SP140: variants seen among roughly 807,000 people sequenced by gnomAD.
SP140 encodes nuclear body protein SP140.
In SP140, 81 loss-of-function variants were observed where a neutral mutation model predicts 125.0. The ratio of observed to expected loss-of-function variants is 0.65; its 90% CI spans 0.54 to 0.78. The LOEUF (loss-of-function observed/expected upper bound fraction) is 0.78, where lower values mean the gene tolerates loss of function less well. Ranked by LOEUF, SP140 falls within the 30% of genes least tolerant of loss-of-function variation. The probability of loss-of-function intolerance (pLI) is 0.00; values close to 1 mark genes in which losing one functional copy is unlikely to be tolerated. For missense variants in SP140, 858 were observed against 1,037.0 expected (o/e 0.83, Z 2.37); for synonymous variants, 312 against 354.0 (o/e 0.88, Z 1.33).
At chr2:230,246,953 A>C (rs2049536143) in intron 7 of SP140, among the ~76,000 whole-genome samples, 1 of 152,138 alleles carries the variant, frequency 6.6e-6, no homozygotes, top group Non-Finnish European at 1.5e-5. Flanking sequence ...GGGGAACAAT[A>C]TGGGACATTG....
At chr2:230,268,110 T>G (rs2053396320) in intron 12 of SP140, among the ~76,000 whole-genome samples, 1 of 152,182 alleles carries the variant, frequency 6.6e-6, no homozygotes, top group African/African-American at 2.4e-5. Context: ...GTTTTTTTGG[T>G]GGGGTTTTGC....
At chr2:230,240,034 C>T (rs897569702) in intron 3 of SP140, among the ~76,000 whole-genome samples, 1 of 152,056 alleles carries the variant, frequency 6.6e-6, no homozygotes, top group Admixed American at 6.6e-5. Flanking sequence ...CTGAGGCTCA[C>T]GACTGCCCAC....
rs149668748 is a variant in SP140 at position 230,312,719 on chromosome 2, G to A, written c.*35G>A. Reference sequence around the variant, plus strand: ...TGGATGCTGAAAGCATTCAGCAAATGGCACCCTAAAATATGCCGCTGGTTT... The same window carrying A: ...TGGATGCTGAAAGCATTCAGCAAATAGCACCCTAAAATATGCCGCTGGTTT... On this transcript the variant is annotated 3_prime_UTR_variant, in exon 27 of 27. Transcript: ENST00000392045. 6 of 1,494,668 alleles carry A rather than the reference G, an allele frequency of 4.0e-6. No individual in the cohort carries two copies. In the East Asian group the frequency reaches 1.1e-4, roughly 28 times the overall value. The allele number at this position is 1,494,668 out of a possible 1,614,324, so 92.6% of individuals were successfully genotyped here. A position where few individuals can be genotyped will look rare whatever the true frequency, so the allele number is the denominator to read the frequency against.
intron 22 of SP140, among the ~76,000 whole-genome samples, chr2:230,302,068 C>G (rs1368783856): frequency 6.6e-6 from 1 of 152,010 alleles, no homozygotes; most frequent in Non-Finnish European, 1.5e-5. Context: ...AGGACTAGTC[C>G]AACAGGAAAC....
chr2:230,235,812 G>A (rs1402166774), intron 1 of SP140, among the ~76,000 whole-genome samples: 2 of 149,800 alleles, frequency 1.3e-5, no homozygotes, highest in Non-Finnish European at 3.0e-5. Flanking sequence ...TCCTAGTTTT[G>A]CATATCCACA....
chr2:230,192,496 C>A, the SP140 span, among the ~76,000 whole-genome samples: 1 of 152,052 alleles, frequency 6.6e-6, no homozygotes, highest in African/African-American at 2.4e-5. Flanking sequence ...CAACAATAGG[C>A]AAGCAGAGAG....
intron 22 of SP140, among the ~76,000 whole-genome samples, chr2:230,308,072 A>C (rs1454323180): frequency 6.7e-6 from 1 of 150,182 alleles, no homozygotes; most frequent in African/African-American, 2.4e-5. Context: ...AAAGGAATGA[A>C]ATAATGACAT....
downstream of SP140, among the ~76,000 whole-genome samples, chr2:230,315,472 CTCA>C (rs2059478437): frequency 6.6e-6 from 1 of 152,112 alleles, no homozygotes; most frequent in Non-Finnish European, 1.5e-5. Flanking sequence ...TAATGTCCAT[CTCA>C]CAATGGGCCC....
At chr2:230,218,169 GACAGTTTTTAACAA>G (rs1459374092) in intron 3 of SP140, among the ~76,000 whole-genome samples, 1 of 152,192 alleles carries the variant, frequency 6.6e-6, no homozygotes, top group African/African-American at 2.4e-5. Flanking sequence ...CAATCAACTT[GACAGTTTTTAACAA>G]ACAGAACAAA....
intron 15 of SP140, among the ~76,000 whole-genome samples, chr2:230,278,021 A>G (rs2054981621): frequency 6.6e-6 from 1 of 152,058 alleles, no homozygotes; most frequent in African/African-American, 2.4e-5. Flanking sequence ...TCTGGATTGT[A>G]TGTATTTCTG....
chr2:230,282,626 C>T (rs368646840), intron 15 of SP140, among the ~76,000 whole-genome samples: 3 of 147,448 alleles, frequency 2.0e-5, no homozygotes, highest in East Asian at 2.0e-4. Context: ...AGTGAGACCC[C>T]GTATCTACAC....
chr2:230,264,261 A>G (rs1435474323), intron 12 of SP140, among the ~76,000 whole-genome samples: 1 of 151,986 alleles, frequency 6.6e-6, no homozygotes. Flanking sequence ...TTTCAATTCT[A>G]TTGCTGAGGT....
intron 12 of SP140, among the ~76,000 whole-genome samples, chr2:230,259,651 C>T (rs1240130069): frequency 6.6e-6 from 1 of 151,286 alleles, no homozygotes; most frequent in Non-Finnish European, 1.5e-5. Flanking sequence ...CACACCACTG[C>T]ACTCCAGCCT....
At chr2:230,229,104 G>A (rs796647052) in intron 1 of SP140, among the ~76,000 whole-genome samples, 11 of 151,946 alleles carry the variant, frequency 7.2e-5, no homozygotes, top group South Asian at 4.2e-4. Flanking sequence ...TATTTACAGC[G>A]AATCATGCCC....
intron 1 of SP140, among the ~76,000 whole-genome samples, chr2:230,205,541 T>A (rs1354330340): frequency 6.6e-6 from 1 of 152,206 alleles, no homozygotes. Context: ...CCAGCCAGGA[T>A]GTAACCTCCA....
At chr2:230,195,117 A>G in the SP140 span, among the ~76,000 whole-genome samples, 2 of 152,152 alleles carry the variant, frequency 1.3e-5, no homozygotes, top group Admixed American at 1.3e-4. Flanking sequence ...CTAAAAAAGA[A>G]AAAACCCACA....
chr2:230,270,376 G>T (rs1459595255), intron 14 of SP140, among the ~76,000 whole-genome samples: 1 of 152,104 alleles, frequency 6.6e-6, no homozygotes, highest in African/African-American at 2.4e-5. Flanking sequence ...ACTCTTCTTA[G>T]CCCAACACGT....
chr2:230,294,230 A>C (rs774484207), intron 20 of SP140, 41 bp from the exon 21 acceptor site: 5 of 1,577,548 alleles, frequency 3.2e-6, no homozygotes, highest in Admixed American at 1.7e-5. Flanking sequence ...ACAAAACGGA[A>C]ACACAGGCTG....
chr2:230,260,422 G>T (rs979676677), intron 12 of SP140, among the ~76,000 whole-genome samples: 1 of 152,084 alleles, frequency 6.6e-6, no homozygotes, highest in East Asian at 1.9e-4. Flanking sequence ...TGTTCCTTTT[G>T]CTGTGCAAAA....
Sources: allele counts gnomAD v4.1 joint callset (sites outside exome capture counted in the v4.1 genomes callset), GRCh38; gene constraint gnomAD v4.1.1; transcripts MANE v1.5; gene names NCBI Gene and HGNC (gene_info 2026-07-23, HGNC 2026-07-21).